The following MPP7 variants were observed in gnomAD, a reference collection of about 807,000 sequenced individuals.
MPP7 encodes MAGUK p55 scaffold protein 7.
In MPP7, 60 loss-of-function variants were observed where a neutral mutation model predicts 76.5. The ratio of observed to expected loss-of-function variants is 0.78; its 90% CI spans 0.64 to 0.97. The LOEUF is 0.97. Ranked by LOEUF, MPP7 falls within the 50% of genes least tolerant of loss-of-function variation. The pLI is 0.00. For synonymous variants in MPP7, 237 were observed against 244.5 expected, an observed-to-expected ratio of 0.97 and a Z score of 0.29; for missense variants, 641 against 694.0, an observed-to-expected ratio of 0.92 and a Z score of 0.86.
At chr10:28,290,460 T>G (rs1458204260) in intron 1 of MPP7, among the ~76,000 whole-genome samples, 1 of 152,082 alleles carries the variant, frequency 6.6e-6, no homozygotes, top group Non-Finnish European at 1.5e-5. Context: ...TATAAAGTCA[T>G]TTTTAATCAG....
At chr10:28,109,857 A>AAAC (rs1554836560) in intron 11 of MPP7, among the ~76,000 whole-genome samples, 2 of 148,554 alleles carry the variant, frequency 1.3e-5, no homozygotes, top group African/African-American at 2.5e-5. Flanking sequence ...GCAAAAAAAA[A>AAAC]AAAAAAAAAA....
At position 28,059,665 on chromosome 10, in the gene MPP7, T is replaced by A; in HGVS notation, c.1283A>T (p.Asp428Val). ...GTCCACATACTTGTTATTTTGTACA[T>A]CTGTCTCAAACAAATGCTTGGAAAT... Reference protein sequence around the residue: ...IFISKHLFETDVQNNKFIEYG... With the variant: ...IFISKHLFETVVQNNKFIEYG... Residue 428 changes from aspartate to valine, a missense_variant, in exon 14 of 17, where the codon GAT becomes GTT. Asp to Val is a radical substitution (Grantham distance 152, BLOSUM62 -3). Coordinates refer to ENST00000683449, the MANE Select transcript of MPP7 (RefSeq NM_001318170.2). 6.2e-7 allele frequency: 1 copy of A among 1,612,624 alleles called. No homozygotes were observed. The highest frequency in any genetic ancestry group is 8.5e-7 in the Non-Finnish European group (1 of 1,178,908).
intron 11 of MPP7, among the ~76,000 whole-genome samples, chr10:28,096,361 T>C (rs994273720): frequency 6.6e-6 from 1 of 152,198 alleles, no homozygotes; most frequent in Non-Finnish European, 1.5e-5. Flanking sequence ...ATTTGACAAG[T>C]GAAAACTGTA....
At chr10:28,093,545 C>G (rs906762474) in intron 11 of MPP7, among the ~76,000 whole-genome samples, 2 of 150,990 alleles carry the variant, frequency 1.3e-5, no homozygotes, top group Non-Finnish European at 2.9e-5. Context: ...CTCCCAGGTT[C>G]AAGCGATTCT....
chr10:28,170,206 CTGTTTATGTATATGT>C (rs1490113804), intron 3 of MPP7, among the ~76,000 whole-genome samples: 3 of 151,872 alleles, frequency 2.0e-5, no homozygotes, highest in Admixed American at 6.6e-5. Context: ...TGTATATGTT[CTGTTTATGTATATGT>C]TCTGTTTTGG....
At chr10:28,294,180 AGTTTAAATAT>A (rs1430888597) in intron 1 of MPP7, among the ~76,000 whole-genome samples, 1 of 152,172 alleles carries the variant, frequency 6.6e-6, no homozygotes, top group Non-Finnish European at 1.5e-5. Context: ...CCTGTAGTCC[AGTTTAAATAT>A]GTTTTAAACT....
chr10:28,275,472 TCTCCGTTCACTGCAAC>T (rs1840465161), intron 1 of MPP7, among the ~76,000 whole-genome samples: 1 of 151,336 alleles, frequency 6.6e-6, no homozygotes, highest in Non-Finnish European at 1.5e-5. Flanking sequence ...AATGGCGCAA[TCTCCGTTCACTGCAAC>T]CTCCGCCTCC....
intron 8 of MPP7, 105 bp downstream of exon 8, chr10:28,123,926 A>G (rs773598912): frequency 2.6e-4 from 197 of 754,112 alleles, no homozygotes; most frequent in Non-Finnish European, 4.0e-5. Flanking sequence ...CGAACCCTGC[A>G]CTGCTTAATA....
intron 11 of MPP7, among the ~76,000 whole-genome samples, chr10:28,105,609 G>A (rs988952236): frequency 6.6e-6 from 1 of 152,168 alleles, no homozygotes; most frequent in East Asian, 1.9e-4. Flanking sequence ...CTAAATTCAA[G>A]CAATCCTCCT....
At chr10:28,079,819 G>T (rs1161226522) in intron 12 of MPP7, among the ~76,000 whole-genome samples, 1 of 152,086 alleles carries the variant, frequency 6.6e-6, no homozygotes, top group Non-Finnish European at 1.5e-5. Context: ...TGGCACATGT[G>T]TATATTTTAA....
intron 1 of MPP7, among the ~76,000 whole-genome samples, chr10:28,258,085 C>G (rs1040877406): frequency 1.3e-5 from 2 of 151,952 alleles, no homozygotes; most frequent in African/African-American, 4.8e-5. Context: ...TTATTTCACA[C>G]TTAACCCACA....
chr10:28,297,065 T>C (rs555559849), intron 1 of MPP7, among the ~76,000 whole-genome samples: 55 of 152,340 alleles, frequency 3.6e-4, no homozygotes, highest in African/African-American at 1.2e-3. Flanking sequence ...TAGGAGAGGT[T>C]ATTTCTGAAA....
At chr10:28,249,598 T>C (rs1040341724) in intron 1 of MPP7, among the ~76,000 whole-genome samples, 47 of 152,050 alleles carry the variant, frequency 3.1e-4, no homozygotes, top group African/African-American at 1.1e-3. Flanking sequence ...CCAAAAAAGG[T>C]CATATGTGCC....
Position 28,089,787 on chromosome 10 carries a change from G to T in MPP7, c.1007C>A (p.Ser336Tyr). The T allele has an allele frequency of 6.3e-7, 1 of 1,599,286 alleles. No individual in the cohort carries two copies. The highest frequency in any genetic ancestry group is 8.6e-7 in the Non-Finnish European group (1 of 1,168,006). Residue 336 changes from serine (S) to tyrosine (Y), a missense_variant, in exon 12 of 17, where the codon TCC becomes TAC. Transcript: ENST00000683449. ...LSRKDKKTNK[S>Y]MYECKKSDQY... ...ATCACTCTTCTTGCATTCATACATG[G>T]ATTTATTTGTTTTCTTATCTTTTCT...
At chr10:28,324,205 G>C (rs1282339422) in intron 2 of MPP7, among the ~76,000 whole-genome samples, 1 of 152,094 alleles carries the variant, frequency 6.6e-6, no homozygotes, top group Non-Finnish European at 1.5e-5. Context: ...AGAGGCCCCA[G>C]AAAGCTCCCT....
At chr10:28,226,404 G>T (rs1284985592) in intron 2 of MPP7, among the ~76,000 whole-genome samples, 1 of 152,078 alleles carries the variant, frequency 6.6e-6, no homozygotes, top group Non-Finnish European at 1.5e-5. Flanking sequence ...ACACCACCAT[G>T]CCTAGCTAAT....
intron 2 of MPP7, among the ~76,000 whole-genome samples, chr10:28,318,004 C>T (rs1375996091): frequency 2.0e-5 from 3 of 152,204 alleles, no homozygotes; most frequent in Non-Finnish European, 2.9e-5. Context: ...AGCTGCACAA[C>T]CATATGCTGT....
intron 2 of MPP7, among the ~76,000 whole-genome samples, chr10:28,222,623 GC>G: frequency 6.6e-6 from 1 of 152,234 alleles, no homozygotes; most frequent in East Asian, 1.9e-4. Flanking sequence ...AGAGGCCGAG[GC>G]AGGCGGTCAC....
chr10:28,227,668 GCA>G (rs1838741390), intron 2 of MPP7, among the ~76,000 whole-genome samples: 1 of 152,136 alleles, frequency 6.6e-6, no homozygotes, highest in African/African-American at 2.4e-5. Flanking sequence ...TTTTATGGTT[GCA>G]CAGTATTCCA....
Sources: allele counts gnomAD v4.1 joint callset (sites outside exome capture counted in the v4.1 genomes callset), GRCh38; gene constraint gnomAD v4.1.1; transcripts MANE v1.5; gene names NCBI Gene and HGNC (gene_info 2026-07-23, HGNC 2026-07-21).